The following ABL1 variants were observed in gnomAD, a reference collection of about 807,000 sequenced individuals.
ABL1 encodes the protein tyrosine-protein kinase ABL1.
Under a neutral mutation model 94.7 loss-of-function variants are expected in ABL1, and 11 were observed. That is an observed-to-expected ratio of 0.12 (90% CI 0.07 to 0.19). ABL1 has a LOEUF of 0.19. ABL1 is among the 10% of genes least tolerant of loss of function. The pLI, the probability that ABL1 is intolerant of heterozygous loss-of-function variation, is 1.00. For missense variants in ABL1, 1,082 were observed against 1,489.4 expected (o/e 0.73, Z 4.50); for synonymous variants, 656 against 622.4 (o/e 1.05, Z -0.80).
intron 1 of ABL1, among the ~76,000 whole-genome samples, chr9:130,783,107 A>T (rs1488412272): frequency 1.3e-5 from 2 of 152,228 alleles, no homozygotes; most frequent in Non-Finnish European, 2.9e-5. Flanking sequence ...CCATATTCAG[A>T]ATCCTCCAGG....
At chr9:130,850,634 G>A (rs1176864799) in intron 1 of ABL1, among the ~76,000 whole-genome samples, 1 of 152,188 alleles carries the variant, frequency 6.6e-6, no homozygotes, top group African/African-American at 2.4e-5. Context: ...AGCATCCTGA[G>A]TAGTTGGGGC....
rs575450031 is a variant in ABL1, at chr9:130,716,502, G to T, written c.136+2047G>T. On this transcript the variant is annotated intron_variant, in intron 1 of 10. Coordinates refer to the ABL1 transcript ENST00000372348. Reference sequence around the variant, plus strand: ...AATATTCTGTGGGTTAAAAAGGGGGGTATGCATCAAGCACTTCTGTACAGT... The same window carrying T: ...AATATTCTGTGGGTTAAAAAGGGGGTTATGCATCAAGCACTTCTGTACAGT... 1.4e-3 allele frequency among the ~76,000 whole-genome samples: 213 copies of T among 152,220 alleles called. 2 individuals carry two copies. Among genetic ancestry groups the T allele is most frequent in the Admixed American group, 5.1e-3 (78 of 15,264 alleles).
chr9:130,739,329 A>G (rs892317637), intron 1 of ABL1, among the ~76,000 whole-genome samples: 5 of 151,468 alleles, frequency 3.3e-5, no homozygotes, highest in African/African-American at 7.3e-5. Flanking sequence ...CTTATTCACA[A>G]TCATTGTCAA....
At chr9:130,714,590 T>G (rs1588207344) in intron 1 of ABL1, 2 of 1,158,692 alleles carry the variant, frequency 1.7e-6, no homozygotes, top group Non-Finnish European at 2.6e-6. Flanking sequence ...TAGTTATCTC[T>G]TAGTGGAACT....
At chr9:130,883,039 G>A (rs1369481864) in intron 10 of ABL1, among the ~76,000 whole-genome samples, 1 of 152,148 alleles carries the variant, frequency 6.6e-6, no homozygotes, top group Admixed American at 6.5e-5. Context: ...TCTGGGCTCA[G>A]ACAGGCCTGG....
chr9:130,857,082 T>A (rs1381606378), intron 3 of ABL1, among the ~76,000 whole-genome samples: 8 of 152,260 alleles, frequency 5.3e-5, no homozygotes, highest in Non-Finnish European at 8.8e-5. Context: ...TGTATTTCAT[T>A]CTGTTCTATT....
chr9:130,748,137 G>A (rs1161372693), intron 1 of ABL1, among the ~76,000 whole-genome samples: 19 of 152,114 alleles, frequency 1.2e-4, no homozygotes, highest in South Asian at 2.1e-4. Flanking sequence ...AGCTAATGAG[G>A]TGGATTGAGC....
At chr9:130,760,400 A>G (rs1832095894) in intron 1 of ABL1, among the ~76,000 whole-genome samples, 1 of 152,086 alleles carries the variant, frequency 6.6e-6, no homozygotes, top group Non-Finnish European at 1.5e-5. Flanking sequence ...GAAACAAGAA[A>G]TCTGTTGTTC....
chr9:130,800,713 G>T (rs1438146475), intron 1 of ABL1, among the ~76,000 whole-genome samples: 1 of 151,756 alleles, frequency 6.6e-6, no homozygotes, highest in African/African-American at 2.4e-5. Flanking sequence ...TACTCCTGTT[G>T]TATGTATTTA....
In ABL1 at chr9:130,886,505, C is replaced by G; in HGVS notation, c.*822C>G. The G allele has an allele frequency of 4.3e-6, 1 of 233,402 alleles. No individual in the cohort carries two copies. Among genetic ancestry groups the G allele is most frequent in the Non-Finnish European group, 8.5e-6 (1 of 118,010 alleles). The allele number at this position is 233,402 out of a possible 1,614,324, so 14.5% of individuals were successfully genotyped here. ...AAGGGTGGCAGGTCACTGTCACTGC[C>G]GACATCCCTCCCCCAGCAGAATGGA... On this transcript the variant is annotated 3_prime_UTR_variant, in exon 11 of 11. Transcript: ENST00000318560.
At chr9:130,875,099 GGT>G in intron 7 of ABL1, 47 bp downstream of exon 7, 1 of 1,558,724 alleles carries the variant, frequency 6.4e-7, no homozygotes, top group Non-Finnish European at 8.7e-7. Flanking sequence ...ACTACAGGAG[GGT>G]TTTTTTCTGC....
At chr9:130,757,830 T>C (rs7018747) in intron 1 of ABL1, among the ~76,000 whole-genome samples, 45,050 of 151,500 alleles carry the variant, frequency 0.3, 9,185 homozygotes, top group African/African-American at 0.55. Context: ...CATGAGCCAC[T>C]GCGCCCGGCC....
intron 1 of ABL1, among the ~76,000 whole-genome samples, chr9:130,824,357 G>GT (rs1004636187): frequency 5.3e-5 from 8 of 152,098 alleles, no homozygotes; most frequent in South Asian, 2.1e-4. Flanking sequence ...TCCTTTTTCT[G>GT]TTTTTTTGTT....
At chr9:130,877,500 C>T (rs778571551) in intron 7 of ABL1, among the ~76,000 whole-genome samples, 1 of 147,838 alleles carries the variant, frequency 6.8e-6, no homozygotes, top group East Asian at 1.9e-4. Flanking sequence ...TGACTTCCGG[C>T]GCCAGGTTCC....
chr9:130,776,350 C>T (rs1832310285), intron 1 of ABL1, among the ~76,000 whole-genome samples: 2 of 152,176 alleles, frequency 1.3e-5, no homozygotes, highest in African/African-American at 4.8e-5. Context: ...AATCCCAGCA[C>T]TTTGGGAGGC....
At position 130,885,728 on chromosome 9, in the gene ABL1, G is replaced by A; in HGVS notation, c.*45G>A. The A allele has an allele frequency of 6.4e-7, 1 of 1,570,744 alleles. No individual in the cohort carries two copies. The highest frequency in any genetic ancestry group is 1.2e-5 in the South Asian group (1 of 82,684). ...GTCAGGCCCGTCGGAGCTGCCTGCA[G>A]CACATGCGGGCTCGCCCATACCCGT... On this transcript the variant is annotated 3_prime_UTR_variant, in exon 11 of 11. Transcript: ENST00000318560.
intron 3 of ABL1, 87 bp downstream of exon 3, chr9:130,855,183 A>G: frequency 7.1e-7 from 1 of 1,407,736 alleles, no homozygotes; most frequent in Non-Finnish European, 9.7e-7. Context: ...TATTGCAAGA[A>G]AGCTCAACCA....
At chr9:130,762,227 C>T (rs775677110) in intron 1 of ABL1, among the ~76,000 whole-genome samples, 18 of 151,912 alleles carry the variant, frequency 1.2e-4, no homozygotes, top group Non-Finnish European at 2.2e-4. Flanking sequence ...CAGAGATAAC[C>T]ACCTTGTGGT....
intron 1 of ABL1, among the ~76,000 whole-genome samples, chr9:130,744,910 C>T (rs954959796): frequency 6.6e-6 from 1 of 151,668 alleles, no homozygotes; most frequent in South Asian, 2.1e-4. Context: ...TTTGCTGTTC[C>T]TTTTCAGGAG....
Sources: allele counts gnomAD v4.1 joint callset (sites outside exome capture counted in the v4.1 genomes callset), GRCh38; gene constraint gnomAD v4.1.1; transcripts MANE v1.5; gene names NCBI Gene and HGNC (gene_info 2026-07-23, HGNC 2026-07-21).